The following DZIP1 variants were observed in gnomAD, a reference collection of about 807,000 sequenced individuals.
DZIP1 encodes the protein DAZ interacting zinc finger protein 1, also known as cilium assembly protein DZIP1.
DZIP1 carries 97 observed loss-of-function variants against 107.6 expected under a neutral mutation model. The observed-to-expected ratio is 0.90, with a 90% CI of 0.77 to 1.07. The LOEUF (loss-of-function observed/expected upper bound fraction) is 1.07. DZIP1 is among the 50% of genes least tolerant of loss of function. DZIP1 has a pLI of 0.00. For synonymous variants in DZIP1, 390 were observed against 386.4 expected (o/e 1.01, Z -0.11); for missense variants, 1,035 against 1,063.6 (o/e 0.97, Z 0.37).
intron 10 of DZIP1, among the ~76,000 whole-genome samples, chr13:95,613,221 G>A (rs750972877): frequency 7.9e-5 from 12 of 152,126 alleles, no homozygotes; most frequent in Admixed American, 2.6e-4. Flanking sequence ...ACAAAGGGGG[G>A]GCGGCTTGAG....
intron 5 of DZIP1, among the ~76,000 whole-genome samples, chr13:95,636,771 C>A (rs945430785): frequency 1.1e-4 from 17 of 151,942 alleles, no homozygotes; most frequent in African/African-American, 4.8e-5. Context: ...AGTAGAGAAG[C>A]CAAAAATGAA....
In DZIP1 at chr13:95,611,418, G is replaced by A. The variant is rs773186394; in HGVS notation, c.1363+27C>T. ...TGCAATTGGGGAGGTTCCCCTTGCCGCCAGTACCGGGATCCCATCCACTTA... is the reference window on the plus strand; with the variant it reads ...TGCAATTGGGGAGGTTCCCCTTGCCACCAGTACCGGGATCCCATCCACTTA... On this transcript the variant is annotated intron_variant, in intron 12 of 22. Coordinates refer to ENST00000376829, the MANE Select transcript of DZIP1 (RefSeq NM_198968.4). The A allele has an allele frequency of 2.1e-5, 34 of 1,605,284 alleles. No individual in the cohort carries two copies. The Middle Eastern group carries it at 5.0e-4, about 23-fold the overall frequency.
At chr13:95,612,380 C>T (rs913156035) in intron 10 of DZIP1, among the ~76,000 whole-genome samples, 5 of 152,326 alleles carry the variant, frequency 3.3e-5, no homozygotes, top group African/African-American at 7.2e-5. Flanking sequence ...AGGGAGCTCA[C>T]GTCCCCAAAT....
chr13:95,582,244 G>C lies in DZIP1; in HGVS notation c.2594C>G (p.Ser865Ter). The change falls in exon 23 of 23, where the codon TCA (serine) becomes TGA (stop). Residue 865 changes from serine to a stop codon, truncating the protein, a stop_gained. Coordinates refer to ENST00000376829, the MANE Select transcript of DZIP1 (RefSeq NM_198968.4). LOFTEE classifies it high-confidence loss of function. The stretch of plus-strand genomic sequence containing the variant: ...TTCTGACATGTGGAATTAGACATCT[G>C]AAGTGTCGCTCCAATCAGTCACAGT... ...LVTVTDWSDT[S>*]DV 1 of 1,613,996 alleles carries C rather than the reference G, an allele frequency of 6.2e-7. No individual in the cohort carries two copies. Among genetic ancestry groups the C allele is most frequent in the Non-Finnish European group, 8.5e-7 (1 of 1,179,906 alleles).
At chr13:95,629,793 T>C (rs1303674324) in intron 7 of DZIP1, among the ~76,000 whole-genome samples, 196 bp downstream of exon 7, 1 of 152,204 alleles carries the variant, frequency 6.6e-6, no homozygotes, top group Non-Finnish European at 1.5e-5. Flanking sequence ...TCTAAAAGGC[T>C]TTCAAAAAAT....
intron 10 of DZIP1, among the ~76,000 whole-genome samples, chr13:95,616,808 T>C (rs2139189555): frequency 6.6e-6 from 1 of 151,996 alleles, no homozygotes; most frequent in East Asian, 1.9e-4. Context: ...ACGGCAAAGG[T>C]GAAGGGACTC....
intron 10 of DZIP1, among the ~76,000 whole-genome samples, chr13:95,613,975 A>C (rs1174799843): frequency 2.0e-5 from 3 of 151,988 alleles, no homozygotes; most frequent in African/African-American, 4.8e-5. Context: ...AGTTTTAAAA[A>C]TTAAGCTAGG....
chr13:95,582,475 G>A (rs1057350149), intron 22 of DZIP1, among the ~76,000 whole-genome samples, 162 bp from the exon 23 acceptor site: 1 of 152,054 alleles, frequency 6.6e-6, no homozygotes, highest in Non-Finnish European at 1.5e-5. Context: ...TGTATAGGAC[G>A]CCACTTTAAA....
At chr13:95,605,367 A>G (rs1454617853) in intron 14 of DZIP1, among the ~76,000 whole-genome samples, 1 of 152,226 alleles carries the variant, frequency 6.6e-6, no homozygotes, top group African/African-American at 2.4e-5. Context: ...TAAAGAACAT[A>G]CTATAAAAAC....
At chr13:95,594,682 G>C (rs2044396749) in intron 15 of DZIP1, among the ~76,000 whole-genome samples, 1 of 151,778 alleles carries the variant, frequency 6.6e-6, no homozygotes, top group Admixed American at 6.6e-5. Flanking sequence ...TTAGTTACTA[G>C]AAGCTAAGTA....
rs1303404714 is a variant in DZIP1 at position 95,581,297 on chromosome 13, T to C, written c.*937A>G. 6.6e-6 allele frequency: 1 copy of C among 152,666 alleles called. No individual in the cohort carries two copies. The highest frequency in any genetic ancestry group is 2.4e-5 in the African/African-American group (1 of 41,456). 9.5% of individuals were successfully genotyped at this position (152,666 alleles called of 1,614,324 possible). On this transcript the variant is annotated 3_prime_UTR_variant, in exon 23 of 23. Coordinates refer to ENST00000376829, the MANE Select transcript of DZIP1 (RefSeq NM_198968.4). ...GTCATTGTTTAAGAATGTAACTAAATTACTTTTGAGGTATTTCATAATACA... is the reference window on the plus strand; with the variant it reads ...GTCATTGTTTAAGAATGTAACTAAACTACTTTTGAGGTATTTCATAATACA...
Position 95,586,099 on chromosome 13 carries a change from C to G in DZIP1, c.2256G>C (p.Lys752Asn), listed in dbSNP as rs763319111. ...TCACATTTTTGCGATGTGGAAACAT[C>G]TTTTCAACTTTTTCAGTAGGTGTTT... Reference protein sequence around the residue: ...AVKTPTEKVEKMFPHRKNVNK... With the variant: ...AVKTPTEKVENMFPHRKNVNK... The change falls in exon 21 of 23, where the codon AAG (lysine) becomes AAC (asparagine). Residue 752 changes from lysine to asparagine, a missense_variant. Coordinates refer to ENST00000376829, the MANE Select transcript of DZIP1 (RefSeq NM_198968.4). The G allele has an allele frequency of 6.2e-7, 1 of 1,611,730 alleles. No homozygotes were observed.
In DZIP1 at chr13:95,611,454, C is replaced by T. The variant is rs1594692635; in HGVS notation, c.1354G>A (p.Glu452Lys). Residue 452 changes from glutamate to lysine, a missense_variant, in exon 12 of 23, where the codon GAA becomes AAA. Physicochemically the swap from Glu to Lys is moderately conservative, Grantham distance 56. Transcript: ENST00000376829. ...FTCNPLNSIS[E>K]PKGNPLAWQA... ...GATCCCATCCACTTACCTTTGGGTT[C>T]ACTGATACTGTTTAATGGATTACAG... 6.2e-7 allele frequency: 1 copy of T among 1,613,656 alleles called. No homozygotes were observed. The highest frequency in any genetic ancestry group is 8.5e-7 in the Non-Finnish European group (1 of 1,179,598).
rs1878730543 is a variant in DZIP1, at chr13:95,643,164, C to T, written c.-334G>A. 1 of 152,112 alleles carries T rather than the reference C, an allele frequency of 6.6e-6. No homozygotes were observed. Among genetic ancestry groups the T allele is most frequent in the Non-Finnish European group, 1.5e-5 (1 of 68,028 alleles). The allele number at this position is 152,112 out of a possible 1,614,324, so 9.4% of individuals were successfully genotyped here. ...TCTTCTGGGGGCCTCCAGTGGTTAC[C>T]ACAGAGATCAATAAGCTGAGGAAAA... On this transcript the variant is annotated 5_prime_UTR_variant, in exon 3 of 23. Transcript: ENST00000376829.
intron 9 of DZIP1, among the ~76,000 whole-genome samples, chr13:95,621,011 C>T (rs1875768086): frequency 1.3e-5 from 2 of 152,204 alleles, no homozygotes; most frequent in Admixed American, 1.3e-4. Context: ...CCCTGCTCTG[C>T]ACGGGAGGCG....
chr13:95,626,938 T>C (rs1876614325), intron 7 of DZIP1, among the ~76,000 whole-genome samples: 2 of 152,176 alleles, frequency 1.3e-5, no homozygotes, highest in Admixed American at 1.3e-4. Context: ...ATGGCAATAC[T>C]CTCCTAAGCA....
chr13:95,616,664 C>G (rs983886880), intron 10 of DZIP1, among the ~76,000 whole-genome samples: 1 of 152,108 alleles, frequency 6.6e-6, no homozygotes, highest in African/African-American at 2.4e-5. Flanking sequence ...GTGACCAGGA[C>G]CCAGAGGCCA....
Position 95,581,901 on chromosome 13 carries a change from A to T in DZIP1, c.*333T>A, listed in dbSNP as rs547480155. The T allele has an allele frequency of 4.8e-5, 9 of 186,054 alleles. No individual in the cohort carries two copies. Among genetic ancestry groups the T allele is most frequent in the Middle Eastern group, 2.1e-3 (1 of 470 alleles). The allele number at this position is 186,054 out of a possible 1,614,324, so 11.5% of individuals were successfully genotyped here. ...TCAAACCAAAACATGCTGTAAGTTT[A>T]AAAAAAATTCACTAAAAAATTAGTT... On this transcript the variant is annotated 3_prime_UTR_variant, in exon 23 of 23. Coordinates refer to ENST00000376829, the MANE Select transcript of DZIP1 (RefSeq NM_198968.4).
rs2044005197 is a variant in DZIP1 at position 95,581,120 on chromosome 13, G to A, written c.*1114C>T. On this transcript the variant is annotated 3_prime_UTR_variant, in exon 23 of 23. Coordinates refer to ENST00000376829, the MANE Select transcript of DZIP1 (RefSeq NM_198968.4). ...ATAACACAGCCACAGTCACAGTGAT[G>A]TAACAGAGGGCTTTACTGAAAAGGT... 1.3e-5 allele frequency: 2 copies of A among 152,484 alleles called. No homozygotes were observed. The highest frequency in any genetic ancestry group is 2.4e-5 in the African/African-American group (1 of 41,430). The allele number at this position is 152,484 out of a possible 1,614,324, so 9.4% of individuals were successfully genotyped here. A position where few individuals can be genotyped will look rare whatever the true frequency, so the allele number is the denominator to read the frequency against.
Sources: allele counts gnomAD v4.1 joint callset (sites outside exome capture counted in the v4.1 genomes callset), GRCh38; gene constraint gnomAD v4.1.1; transcripts MANE v1.5; gene names NCBI Gene and HGNC (gene_info 2026-07-23, HGNC 2026-07-21).